LAMC1: variants seen among roughly 807,000 people sequenced by gnomAD.
The protein encoded by LAMC1 is laminin subunit gamma-1.
LAMC1 carries 38 observed loss-of-function variants against 173.6 expected under a neutral mutation model. The observed-to-expected ratio is 0.22, with a 90% CI of 0.17 to 0.29. LAMC1 has a LOEUF of 0.29. LAMC1 is among the 10% of genes least tolerant of loss of function. The probability of loss-of-function intolerance (pLI) is 1.00; values close to 1 mark genes in which losing one functional copy is unlikely to be tolerated. For missense variants in LAMC1, 1,824 were observed against 2,051.8 expected (o/e 0.89, Z 2.14); for synonymous variants, 746 against 749.1 (o/e 1.00, Z 0.07).
At chr1:183,116,458 C>T (rs1656324333) in intron 6 of LAMC1, 119 bp from the exon 7 acceptor site, 2 of 637,158 alleles carry the variant, frequency 3.1e-6, no homozygotes, top group East Asian at 5.6e-5. Flanking sequence ...TCCTGGGCGA[C>T]AGTGTGAGAC....
intron 1 of LAMC1, among the ~76,000 whole-genome samples, chr1:183,036,093 ATTC>A (rs772190970): frequency 7.8e-6 from 1 of 127,938 alleles, no homozygotes; most frequent in Non-Finnish European, 1.6e-5. Flanking sequence ...GCTTGAATGA[ATTC>A]TTTTTTTTTT....
chr1:183,102,534 C>A (rs1478966476), intron 1 of LAMC1, among the ~76,000 whole-genome samples: 1 of 152,222 alleles, frequency 6.6e-6, no homozygotes, highest in Non-Finnish European at 1.5e-5. Flanking sequence ...CATGTGAAGA[C>A]ACACTGGCTG....
At chr1:183,046,260 G>A (rs1654262967) in intron 1 of LAMC1, among the ~76,000 whole-genome samples, 1 of 151,962 alleles carries the variant, frequency 6.6e-6, no homozygotes, top group African/African-American at 2.4e-5. Flanking sequence ...TATCTGCTAG[G>A]ACAATTTCCT....
rs146169846 is a variant in LAMC1 at position 183,071,205 on chromosome 1, T to C, written c.419-32123T>C. ...TGTTGACAACTTAGGAAATTGGTGA[T>C]TGATGCAGAAAGGAAGACAATGAGT... On this transcript the variant is annotated intron_variant, in intron 1 of 27. Transcript: ENST00000258341. Among the ~76,000 whole-genome samples, 105 of 151,990 alleles carry C rather than the reference T, an allele frequency of 6.9e-4. 2 individuals carry two copies. In the East Asian group the frequency reaches 0.018, roughly 27 times the overall value.
intron 1 of LAMC1, among the ~76,000 whole-genome samples, chr1:183,059,467 G>GCCAA (rs1453447428): frequency 1.3e-5 from 2 of 152,160 alleles, no homozygotes; most frequent in African/African-American, 4.8e-5. Context: ...GTTGCAGTAA[G>GCCAA]CCAAGATCAT....
chr1:183,029,945 T>A (rs1041626211), intron 1 of LAMC1, among the ~76,000 whole-genome samples: 1 of 151,928 alleles, frequency 6.6e-6, no homozygotes, highest in South Asian at 2.1e-4. Context: ...GACCCATGTC[T>A]CTCGATTTGG....
chr1:183,143,642 A>G lies in LAMC1; in HGVS notation c.*852A>G, dbSNP rs1318543872. ...ATAACCACTAAAATTTTGTTTTCAA[A>G]ATCAAACTAATTCTTACAGCTTTTT... On this transcript the variant is annotated 3_prime_UTR_variant, in exon 28 of 28. Transcript: ENST00000258341. 1.3e-5 allele frequency: 2 copies of G among 152,388 alleles called. No individual in the cohort carries two copies. The highest frequency in any genetic ancestry group is 2.9e-5 in the Non-Finnish European group (2 of 68,038). The allele number at this position is 152,388 out of a possible 1,614,324, so 9.4% of individuals were successfully genotyped here.
chr1:183,078,197 T>C (rs1655169500), intron 1 of LAMC1, among the ~76,000 whole-genome samples: 2 of 152,168 alleles, frequency 1.3e-5, no homozygotes, highest in Admixed American at 1.3e-4. Flanking sequence ...TGTTAGTTGC[T>C]TTTTTAAATG....
At chr1:183,088,514 A>T (rs577353048) in intron 1 of LAMC1, among the ~76,000 whole-genome samples, 1 of 152,340 alleles carries the variant, frequency 6.6e-6, no homozygotes, top group African/African-American at 2.4e-5. Flanking sequence ...TTGTGTATGT[A>T]TGTGTGCAAG....
intron 1 of LAMC1, among the ~76,000 whole-genome samples, chr1:183,087,484 T>C (rs1436880051): frequency 6.6e-6 from 1 of 152,174 alleles, no homozygotes; most frequent in African/African-American, 2.4e-5. Flanking sequence ...GATAATACCA[T>C]GAAAAAAGTG....
intron 1 of LAMC1, among the ~76,000 whole-genome samples, chr1:183,055,693 T>G (rs562100501): frequency 6.6e-6 from 1 of 152,148 alleles, no homozygotes; most frequent in Non-Finnish European, 1.5e-5. Context: ...GCACCTGTAG[T>G]TGCAGCTACT....
Position 183,125,448 on chromosome 1 carries a change from C to T in LAMC1, c.2699C>T (p.Pro900Leu), listed in dbSNP as rs1656593592. Residue 900 changes from proline (P) to leucine (L), a missense_variant, in exon 15 of 28, where the codon CCC becomes CTC. Coordinates refer to ENST00000258341, the MANE Select transcript of LAMC1 (RefSeq NM_002293.4). ...GTMKQQSSCN[P>L]VTGQCECLPH... is the part of the protein sequence containing the mutation. ...ATGAAGCAGCAGAGCAGCTGTAACCCCGTGACGGGGCAGTGTGAATGTTTG... is the reference window on the plus strand; with the variant it reads ...ATGAAGCAGCAGAGCAGCTGTAACCTCGTGACGGGGCAGTGTGAATGTTTG... The T allele has an allele frequency of 6.2e-7, 1 of 1,614,028 alleles. No homozygotes were observed. Among genetic ancestry groups the T allele is most frequent in the South Asian group, 1.1e-5 (1 of 91,084 alleles).
intron 1 of LAMC1, among the ~76,000 whole-genome samples, chr1:183,060,662 G>A (rs1158490289): frequency 3.3e-5 from 5 of 152,218 alleles, no homozygotes; most frequent in Non-Finnish European, 7.3e-5. Flanking sequence ...GGGGACAAGA[G>A]CTAGATCTTA....
intron 1 of LAMC1, among the ~76,000 whole-genome samples, chr1:183,100,075 G>A (rs949155450): frequency 2.2e-4 from 33 of 152,270 alleles, no homozygotes; most frequent in Non-Finnish European, 4.1e-4. Flanking sequence ...TACTAACAGC[G>A]ACAAGTTGAG....
intron 1 of LAMC1, among the ~76,000 whole-genome samples, chr1:183,067,939 A>G (rs1383350617): frequency 6.6e-6 from 1 of 152,220 alleles, no homozygotes; most frequent in African/African-American, 2.4e-5. Context: ...AATAAAATGA[A>G]TGGTGAAAAG....
intron 1 of LAMC1, chr1:183,096,433 G>C (rs569830750): frequency 6.6e-6 from 1 of 152,118 alleles, no homozygotes; most frequent in South Asian, 2.1e-4. Context: ...TACCTGCTTT[G>C]TTATATTTCA....
At chr1:183,132,008 A>T (rs962159494) in intron 20 of LAMC1, among the ~76,000 whole-genome samples, 6 of 152,218 alleles carry the variant, frequency 3.9e-5, no homozygotes, top group Non-Finnish European at 7.3e-5. Context: ...ATGTACATAT[A>T]ATAAAGTAGG....
chr1:183,024,359 G>T (rs762658070), intron 1 of LAMC1, among the ~76,000 whole-genome samples: 2 of 152,340 alleles, frequency 1.3e-5, no homozygotes, highest in East Asian at 3.9e-4. Context: ...CTGCTTTCCT[G>T]TTCTTTCTGA....
chr1:183,130,416 AGAATATCCG>A lies in LAMC1; in HGVS notation c.3359_3367del (p.Ile1120_Asn1122del). ...CTGTCCAGCCAAATTAGCCGTTTAC[AGAATATCCG>A]GAATACCATTGAAGAGACTGGAAAC... On this transcript the variant is annotated inframe_deletion, in exon 19 of 28. Transcript: ENST00000258341. 6.2e-7 allele frequency: 1 copy of A among 1,614,250 alleles called. No individual in the cohort carries two copies. The highest frequency in any genetic ancestry group is 8.5e-7 in the Non-Finnish European group (1 of 1,180,026).
Sources: allele counts gnomAD v4.1 joint callset (sites outside exome capture counted in the v4.1 genomes callset), GRCh38; gene constraint gnomAD v4.1.1; transcripts MANE v1.5; gene names NCBI Gene and HGNC (gene_info 2026-07-23, HGNC 2026-07-21).